The following HIVEP3 variants were observed in gnomAD, a reference collection of about 807,000 sequenced individuals.
HIVEP3 encodes the protein transcription factor HIVEP3.
Under a neutral mutation model 152.8 loss-of-function variants are expected in HIVEP3, and 49 were observed. The ratio of observed to expected loss-of-function variants is 0.32; its 90% CI spans 0.26 to 0.41. The LOEUF (loss-of-function observed/expected upper bound fraction) is 0.41, where lower values mean the gene tolerates loss of function less well. Among genes scored for constraint, HIVEP3 ranks in the 10% least tolerant of loss-of-function variants. HIVEP3 has a pLI of 1.00. For synonymous variants in HIVEP3, 1,269 were observed against 1,289.0 expected (o/e 0.98, Z 0.33); for missense variants, 2,790 against 3,103.3 (o/e 0.90, Z 2.40).
At position 41,582,381 on chromosome 1, in the gene HIVEP3, A is replaced by C. The variant is rs1457449063; in HGVS notation, c.2417T>G (p.Phe806Cys). 3.7e-6 allele frequency: 6 copies of C among 1,614,208 alleles called. No individual in the cohort carries two copies. In the South Asian group the frequency reaches 6.6e-5, roughly 18 times the overall value. The stretch of plus-strand genomic sequence containing the variant: ...CTGCTCGAGAGAATCAGATTTCTCA[A>C]AGGAGCTGGTGTGCTGGATGACAGA... Reference protein sequence around the residue: ...EISVIQHTSSFEKSDSLEQPS... With the variant: ...EISVIQHTSSCEKSDSLEQPS... Residue 806 changes from phenylalanine to cysteine, a missense_variant, in exon 4 of 9, where the codon TTT becomes TGT. By Grantham distance (205) the Phe-to-Cys change is radical. Coordinates refer to ENST00000372583, the MANE Select transcript of HIVEP3 (RefSeq NM_024503.5). This position sits in a 1 kb window ranked among gnomAD's most constrained non-coding sequence, Gnocchi z 4.7.
intron 1 of HIVEP3, among the ~76,000 whole-genome samples, chr1:41,964,701 CCT>C (rs1418152776): frequency 1.3e-5 from 2 of 152,204 alleles, no homozygotes; most frequent in Non-Finnish European, 2.9e-5. Context: ...ATCCATTCCT[CCT>C]CACCAGGCCA....
chr1:41,512,776 C>T, intron 8 of HIVEP3, 40 bp downstream of exon 8: 1 of 1,442,610 alleles, frequency 6.9e-7, no homozygotes, highest in Admixed American at 2.7e-5. Context: ...CCTGCACCCA[C>T]AGGGGAGAAG....
At chr1:41,704,390 T>C (rs1646404873) in intron 1 of HIVEP3, among the ~76,000 whole-genome samples, 1 of 152,218 alleles carries the variant, frequency 6.6e-6, no homozygotes, top group Admixed American at 6.5e-5. Flanking sequence ...GACAGCTGCT[T>C]AGGAAATGGG....
chr1:41,547,588 C>G (rs7528313), intron 5 of HIVEP3, among the ~76,000 whole-genome samples: 3,602 of 152,278 alleles, frequency 0.024, 143 homozygotes, highest in African/African-American at 0.08. Context: ...CCAAGGCAGC[C>G]TCCGGCACTC....
At chr1:41,865,106 T>C (rs1643944771) in intron 1 of HIVEP3, among the ~76,000 whole-genome samples, 1 of 152,220 alleles carries the variant, frequency 6.6e-6, no homozygotes, top group Non-Finnish European at 1.5e-5. Context: ...ATCTTCTCAA[T>C]GTAGACACTT....
At chr1:41,851,386 T>C (rs964789987) in intron 1 of HIVEP3, among the ~76,000 whole-genome samples, 1 of 139,422 alleles carries the variant, frequency 7.2e-6, no homozygotes, top group African/African-American at 2.7e-5. Context: ...CACTGCAACA[T>C]CTGCCTCCTG....
chr1:41,670,777 C>T (rs936490829), intron 2 of HIVEP3, among the ~76,000 whole-genome samples: 6 of 152,166 alleles, frequency 3.9e-5, no homozygotes, highest in Admixed American at 3.9e-4. Context: ...CACGCAGTTA[C>T]TAGGAAAGGC....
rs192344142 is a variant in HIVEP3 at position 42,003,227 on chromosome 1, C to A, written n.119+32580G>T. Among the ~76,000 whole-genome samples the A allele has an allele frequency of 2.6e-3, 388 of 152,098 alleles. 2 individuals carry two copies. Among genetic ancestry groups the A allele is most frequent in the South Asian group, 0.01 (50 of 4,806 alleles). The stretch of plus-strand genomic sequence containing the variant: ...GAGTAGCTGGGAATGCAGGTGTGCA[C>A]CACCACGCTCAGCTAATTTTTGTAT... On this transcript the variant is annotated intron_variant and non_coding_transcript_variant, in intron 1 of 3. Coordinates refer to the HIVEP3 transcript ENST00000489103.
Position 41,722,739 on chromosome 1 carries a change from A to C in HIVEP3, c.-800-21744T>G, listed in dbSNP as rs1263513840. On this transcript the variant is annotated intron_variant, in intron 1 of 8. Transcript: ENST00000372583. Reference sequence around the variant, plus strand: ...GTGAAATGCATTCTGACATGAGTCCAGGGAGCATAGGAGCACATGAAATCC... The same window carrying C: ...GTGAAATGCATTCTGACATGAGTCCCGGGAGCATAGGAGCACATGAAATCC... Among the ~76,000 whole-genome samples, 3 of 152,174 alleles carry C rather than the reference A, an allele frequency of 2.0e-5. No homozygotes were observed. In the East Asian group the frequency reaches 5.8e-4, roughly 29 times the overall value.
intron 5 of HIVEP3, among the ~76,000 whole-genome samples, chr1:41,535,084 C>T (rs1643365572): frequency 6.6e-6 from 1 of 152,170 alleles, no homozygotes; most frequent in Non-Finnish European, 1.5e-5. Flanking sequence ...GGAACCAAGG[C>T]CCAGTGGGTT....
At chr1:41,798,528 C>A (rs1650114272) in intron 1 of HIVEP3, among the ~76,000 whole-genome samples, 1 of 152,112 alleles carries the variant, frequency 6.6e-6, no homozygotes. Flanking sequence ...AGAAGTATAC[C>A]AACAAAGATA....
intron 1 of HIVEP3, among the ~76,000 whole-genome samples, chr1:41,737,223 G>C (rs945925179): frequency 3.3e-5 from 5 of 152,170 alleles, no homozygotes; most frequent in African/African-American, 1.2e-4. Flanking sequence ...TCTCAGCCTG[G>C]TTTCCTCATC....
chr1:41,534,281 G>A (rs867741956), intron 5 of HIVEP3, among the ~76,000 whole-genome samples: 2 of 152,028 alleles, frequency 1.3e-5, no homozygotes, highest in African/African-American at 2.4e-5. Flanking sequence ...GGCAGGAAAG[G>A]CCCAGGGCAC....
At position 41,580,025 on chromosome 1, in the gene HIVEP3, C is replaced by G. The variant is rs771531034; in HGVS notation, c.4773G>C (p.Lys1591Asn). The G allele has an allele frequency of 9.3e-6, 15 of 1,614,176 alleles. No homozygotes were observed. The highest frequency in any genetic ancestry group is 1.3e-5 in the Non-Finnish European group (15 of 1,180,036). The change falls in exon 4 of 9, where the codon AAG (lysine) becomes AAC (asparagine). Residue 1591 changes from lysine (K) to asparagine (N), a missense_variant. Transcript: ENST00000372583. ...TGTGGAGGCTGGGGAACTGCAGTAC[C>G]TTCTTTGAGTCCGTACCTTCTTGTG... ...AKSQEGTDSKKVLQFPSLHTT... is the reference protein window; with the variant it reads ...AKSQEGTDSKNVLQFPSLHTT...
chr1:41,655,606 A>AAC (rs1645617771), intron 2 of HIVEP3, among the ~76,000 whole-genome samples: 2 of 147,530 alleles, frequency 1.4e-5, no homozygotes, highest in Admixed American at 6.9e-5. Flanking sequence ...AAAAAAAAAA[A>AAC]AGAGAGGGAG....
At chr1:41,904,120 C>G (rs968045389) in intron 1 of HIVEP3, among the ~76,000 whole-genome samples, 3 of 152,038 alleles carry the variant, frequency 2.0e-5, no homozygotes, top group Non-Finnish European at 2.9e-5. Flanking sequence ...TAATCTCGAA[C>G]TCATGGCCTC....
chr1:41,948,563 C>T (rs575082817), intron 1 of HIVEP3, among the ~76,000 whole-genome samples: 3 of 152,262 alleles, frequency 2.0e-5, no homozygotes, highest in South Asian at 4.1e-4. Flanking sequence ...GCAGGACCCT[C>T]CATTAGAAAT....
At chr1:41,859,025 G>A (rs1467515703) in intron 1 of HIVEP3, among the ~76,000 whole-genome samples, 1 of 152,216 alleles carries the variant, frequency 6.6e-6, no homozygotes, top group Non-Finnish European at 1.5e-5. Context: ...CTGGCTGGGT[G>A]GCCTTGGGTA....
chr1:41,984,890 T>C (rs532527552), intron 1 of HIVEP3, among the ~76,000 whole-genome samples: 1 of 151,736 alleles, frequency 6.6e-6, no homozygotes, highest in South Asian at 2.1e-4. Flanking sequence ...TCTTATAAAG[T>C]AGCAGAAAAT....
Sources: gnomAD v4.1 joint callset for allele counts (sites outside exome capture counted in the v4.1 genomes callset) on GRCh38, gnomAD v4.1.1 for gene constraint, Gnocchi (gnomAD v3.1) non-coding constraint, MANE v1.5 for transcripts, NCBI Gene and HGNC (gene_info 2026-07-23, HGNC 2026-07-21) for gene names.